ZSCAN5A: variants seen among roughly 807,000 people sequenced by gnomAD.
ZSCAN5A encodes zinc finger and SCAN domain-containing protein 5A.
A neutral mutation model predicts 23.7 loss-of-function variants in ZSCAN5A; 12 were observed. The ratio of observed to expected loss-of-function variants is 0.51; its 90% CI spans 0.32 to 0.82. ZSCAN5A has a LOEUF of 0.82. Ranked by LOEUF, ZSCAN5A falls within the 40% of genes least tolerant of loss-of-function variation. ZSCAN5A has a pLI of 0.03. For missense variants in ZSCAN5A, 597 were observed against 617.9 expected, an observed-to-expected ratio of 0.97 and a Z score of 0.36; for synonymous variants, 257 against 239.9, an observed-to-expected ratio of 1.07 and a Z score of -0.66.
intron 2 of ZSCAN5A, among the ~76,000 whole-genome samples, chr19:56,245,066 T>A (rs1036191746): frequency 6.6e-6 from 1 of 152,006 alleles, no homozygotes; most frequent in African/African-American, 2.4e-5. Flanking sequence ...AAGGAAAAAA[T>A]TCAGACAGAT....
chr19:56,246,740 T>C lies in ZSCAN5A; in HGVS notation c.-127-21567A>G, dbSNP rs746709215. On this transcript the variant is annotated intron_variant, in intron 2 of 5. Transcript: ENST00000683990. ...GAATCCCTTCTTCCAGCAGGTGTGG[T>C]GGGAGCAAAGGAGGGGAAGGAACCC... 10 of 1,403,470 alleles carry C rather than the reference T, an allele frequency of 7.1e-6. No homozygotes were observed. In the Admixed American group the frequency reaches 1.7e-4, roughly 24 times the overall value. 86.9% of individuals were successfully genotyped at this position (1,403,470 alleles called of 1,614,324 possible). A position where few individuals can be genotyped will look rare whatever the true frequency, so the allele number is the denominator to read the frequency against.
At chr19:56,325,249 C>T (rs2041422012) in intron 2 of ZSCAN5A, among the ~76,000 whole-genome samples, 1 of 152,186 alleles carries the variant, frequency 6.6e-6, no homozygotes, top group African/African-American at 2.4e-5. Flanking sequence ...AGGTTGTTTA[C>T]CCTTAAAGGT....
intron 2 of ZSCAN5A, among the ~76,000 whole-genome samples, chr19:56,269,063 T>C (rs1208946570): frequency 1.3e-5 from 2 of 152,232 alleles, no homozygotes; most frequent in South Asian, 2.1e-4. Context: ...ATTTTGACTC[T>C]AGTGAATAGT....
chr19:56,225,084 C>T lies in ZSCAN5A; in HGVS notation c.-38G>A, dbSNP rs577751579. ...ATTTTTTAATCAGTCTCTGAGAAAG[C>T]TCTTCCAGTAGCTGGTATCTAATTG... is the stretch of plus-strand genomic sequence containing the variant. On this transcript the variant is annotated 5_prime_UTR_variant, in exon 3 of 6. Transcript: ENST00000683990. 2 of 1,538,960 alleles carry T rather than the reference C, an allele frequency of 1.3e-6. No individual in the cohort carries two copies. Among genetic ancestry groups the T allele is most frequent in the South Asian group, 1.3e-5 (1 of 78,912 alleles).
intron 2 of ZSCAN5A, chr19:56,304,865 G>C: frequency 3.3e-6 from 3 of 895,930 alleles, no homozygotes; most frequent in Non-Finnish European, 2.7e-6. Context: ...TTTTCCCACC[G>C]CTGGGGTGGG....
intron 2 of ZSCAN5A, among the ~76,000 whole-genome samples, chr19:56,230,035 A>G (rs1299862438): frequency 6.6e-6 from 1 of 152,144 alleles, no homozygotes; most frequent in Non-Finnish European, 1.5e-5. Flanking sequence ...AAGAGAGACA[A>G]TTCGACTTCC....
At chr19:56,334,268 A>G (rs2041515111) in intron 2 of ZSCAN5A, among the ~76,000 whole-genome samples, 1 of 152,210 alleles carries the variant, frequency 6.6e-6, no homozygotes, top group Non-Finnish European at 1.5e-5. Flanking sequence ...GGCTTGGACT[A>G]TAGACCACCC....
intron 2 of ZSCAN5A, chr19:56,228,135 C>T (rs1236447983): frequency 5.1e-6 from 4 of 778,124 alleles, no homozygotes; most frequent in Admixed American, 6.2e-5. Context: ...CAAAGGAGAC[C>T]CGCTGCCTTC....
Position 56,244,553 on chromosome 19 carries a change from C to G in ZSCAN5A, c.-127-19380G>C. Reference sequence around the variant, plus strand: ...GGCTTCCAAGTAGAGGAGAGTTTGCCCATCAGGGACACATGGCAGTGTCTG... The same window carrying G: ...GGCTTCCAAGTAGAGGAGAGTTTGCGCATCAGGGACACATGGCAGTGTCTG... On this transcript the variant is annotated intron_variant, in intron 2 of 5. Coordinates refer to ENST00000683990, the MANE Select transcript of ZSCAN5A (RefSeq NM_001322064.3). 4 of 1,126,594 alleles carry G rather than the reference C, an allele frequency of 3.6e-6. No individual in the cohort carries two copies. The Admixed American group carries it at 9.9e-5, about 28-fold the overall frequency. The allele number at this position is 1,126,594 out of a possible 1,614,324, so 69.8% of individuals were successfully genotyped here. A position where few individuals can be genotyped will look rare whatever the true frequency, so the allele number is the denominator to read the frequency against.
In ZSCAN5A at chr19:56,246,461, G is replaced by A. The variant is rs529085142; in HGVS notation, c.-127-21288C>T. 16 of 618,944 alleles carry A rather than the reference G, an allele frequency of 2.6e-5. No homozygotes were observed. The East Asian group carries it at 4.4e-4, about 17-fold the overall frequency. The allele number at this position is 618,944 out of a possible 1,614,324, so 38.3% of individuals were successfully genotyped here. A position where few individuals can be genotyped will look rare whatever the true frequency, so the allele number is the denominator to read the frequency against. On this transcript the variant is annotated intron_variant, in intron 2 of 5. Transcript: ENST00000683990. ...TCCCCAGAGCCTCAGCTTCCAAACG[G>A]TCCTAGTGAGTATGAAGACTTGGAT...
intron 2 of ZSCAN5A, among the ~76,000 whole-genome samples, chr19:56,341,950 T>G (rs922061184): frequency 3.9e-5 from 6 of 152,102 alleles, no homozygotes; most frequent in Admixed American, 1.3e-4. Context: ...AGTTGAATTT[T>G]GGGTTAAAAA....
chr19:56,256,788 T>C (rs545279168), intron 2 of ZSCAN5A, among the ~76,000 whole-genome samples: 8 of 152,082 alleles, frequency 5.3e-5, no homozygotes, highest in Admixed American at 1.3e-4. Context: ...CGTGTGACGA[T>C]TGTGTCCTGA....
At chr19:56,246,779 C>A (rs957729945) in intron 2 of ZSCAN5A, 1 of 1,603,882 alleles carries the variant, frequency 6.2e-7, no homozygotes, top group East Asian at 2.2e-5. Flanking sequence ...AAAAGAGCCT[C>A]TGTCGAAAAT....
intron 2 of ZSCAN5A, among the ~76,000 whole-genome samples, chr19:56,302,595 T>TCC (rs1279966554): frequency 8.0e-5 from 3 of 37,452 alleles, no homozygotes; most frequent in Non-Finnish European, 1.3e-4. Context: ...TTTCTTCCTC[T>TCC]CCCTCTTCTT....
At chr19:56,319,504 A>G (rs1413571215), upstream of ZSCAN5A, among the ~76,000 whole-genome samples, 2 of 150,750 alleles carry the variant, frequency 1.3e-5, no homozygotes, top group Non-Finnish European at 3.0e-5. Flanking sequence ...TCGGGAAAAA[A>G]AAAAAAAAAA....
At chr19:56,255,610 CTTT>C (rs201229544) in intron 2 of ZSCAN5A, among the ~76,000 whole-genome samples, 2 of 147,026 alleles carry the variant, frequency 1.4e-5, no homozygotes, top group African/African-American at 2.5e-5. Flanking sequence ...TTCCCTTTGG[CTTT>C]TTTTTTTTCT....
At chr19:56,297,932 C>G (rs1048549612) in intron 2 of ZSCAN5A, 1 of 152,004 alleles carries the variant, frequency 6.6e-6, no homozygotes, top group Admixed American at 6.6e-5. Flanking sequence ...TAGGCAGAGC[C>G]GGGCATGGTG....
At chr19:56,301,093 C>G (rs1240075077) in intron 2 of ZSCAN5A, among the ~76,000 whole-genome samples, 1 of 152,078 alleles carries the variant, frequency 6.6e-6, no homozygotes, top group East Asian at 1.9e-4. Context: ...TCAAGACCCC[C>G]AGAGAGGGTT....
At chr19:56,321,243 G>T in intron 2 of ZSCAN5A, 1 of 670,888 alleles carries the variant, frequency 1.5e-6, no homozygotes, top group Non-Finnish European at 2.8e-6. Context: ...AATATCAGTT[G>T]GGGTATCAGT....
Sources: gnomAD v4.1 joint callset for allele counts (sites outside exome capture counted in the v4.1 genomes callset) on GRCh38, gnomAD v4.1.1 for gene constraint, MANE v1.5 for transcripts, NCBI Gene and HGNC (gene_info 2026-07-23, HGNC 2026-07-21) for gene names.